Variants in PTPN4 observed in about 807,000 individuals in gnomAD.
PTPN4 encodes the protein protein tyrosine phosphatase non-receptor type 4, also known as tyrosine-protein phosphatase non-receptor type 4.
Under a neutral mutation model 135.5 loss-of-function variants are expected in PTPN4, and 49 were observed. That is an observed-to-expected ratio of 0.36 (90% CI 0.29 to 0.46). PTPN4 has a LOEUF of 0.46. PTPN4 is among the 20% of genes least tolerant of loss of function. The pLI is 1.00. For missense variants in PTPN4, 860 were observed against 1,101.0 expected (o/e 0.78, Z 3.10); for synonymous variants, 333 against 369.9 (o/e 0.90, Z 1.14).
Position 119,877,307 on chromosome 2 carries a change from T to A in PTPN4, c.247-16T>A. The A allele has an allele frequency of 6.2e-7, 1 of 1,605,746 alleles. No homozygotes were observed. On this transcript the variant is annotated splice_polypyrimidine_tract_variant and intron_variant, in intron 3 of 26. Coordinates refer to ENST00000263708, the MANE Select transcript of PTPN4 (RefSeq NM_002830.4). Reference sequence around the variant, plus strand: ...TCAAGGAAAAAAGAAATCAGTTTTATTTATTTATTTTTCAGAGGTGGCTGG... The same window carrying A: ...TCAAGGAAAAAAGAAATCAGTTTTAATTATTTATTTTTCAGAGGTGGCTGG...
At chr2:119,865,040 G>A (rs571393282) in intron 3 of PTPN4, among the ~76,000 whole-genome samples, 29 of 152,210 alleles carry the variant, frequency 1.9e-4, no homozygotes, top group African/African-American at 6.7e-4. Context: ...CTAGGACCTG[G>A]ATCTCCTAAC....
intron 2 of PTPN4, among the ~76,000 whole-genome samples, chr2:119,837,247 G>A (rs899065717): frequency 2.0e-5 from 3 of 152,194 alleles, no homozygotes; most frequent in African/African-American, 7.2e-5. Context: ...CTGTGGGAAG[G>A]AGCTACCCAC....
intron 2 of PTPN4, among the ~76,000 whole-genome samples, chr2:119,842,785 A>G (rs1677400811): frequency 1.3e-5 from 2 of 152,250 alleles, no homozygotes; most frequent in Non-Finnish European, 2.9e-5. Context: ...GTACAATATT[A>G]AAGTCCCATT....
At chr2:119,976,105 C>T (rs1056542143) in intron 26 of PTPN4, among the ~76,000 whole-genome samples, 24 of 151,632 alleles carry the variant, frequency 1.6e-4, no homozygotes, top group Admixed American at 4.6e-4. Flanking sequence ...ACGCCATTCT[C>T]CTGCCTCAGC....
intron 2 of PTPN4, among the ~76,000 whole-genome samples, chr2:119,857,157 CA>C (rs1020719487): frequency 6.6e-6 from 1 of 150,628 alleles, no homozygotes; most frequent in African/African-American, 2.4e-5. Context: ...GATCTTGGCT[CA>C]CTGCAACCTC....
intron 15 of PTPN4, among the ~76,000 whole-genome samples, chr2:119,939,808 C>T (rs1679036177): frequency 6.6e-6 from 1 of 152,152 alleles, no homozygotes; most frequent in South Asian, 2.1e-4. Flanking sequence ...AATTCCTATT[C>T]CAGTCTTGAT....
intron 8 of PTPN4, 66 bp from the exon 9 acceptor site, chr2:119,885,729 C>G: frequency 8.7e-7 from 1 of 1,151,880 alleles, no homozygotes; most frequent in Non-Finnish European, 1.2e-6. Context: ...TAGCCTTTTT[C>G]TAATTTAGCC....
At chr2:119,939,827 G>T (rs1679036530) in intron 15 of PTPN4, among the ~76,000 whole-genome samples, 1 of 152,046 alleles carries the variant, frequency 6.6e-6, no homozygotes, top group Admixed American at 6.5e-5. Flanking sequence ...ATCAAGTCTA[G>T]CAATATATTG....
At chr2:119,964,773 TG>T (rs1398075281) in intron 24 of PTPN4, among the ~76,000 whole-genome samples, 1 of 152,250 alleles carries the variant, frequency 6.6e-6, no homozygotes. Flanking sequence ...TGCATTTTAA[TG>T]AGTTTATACA....
chr2:119,913,219 G>A (rs961768027), intron 10 of PTPN4, among the ~76,000 whole-genome samples: 1 of 152,064 alleles, frequency 6.6e-6, no homozygotes, highest in Non-Finnish European at 1.5e-5. Context: ...TTTCATGAGT[G>A]TATATATCTA....
intron 26 of PTPN4, among the ~76,000 whole-genome samples, chr2:119,973,171 C>G (rs1266778292): frequency 3.3e-5 from 5 of 152,056 alleles, no homozygotes; most frequent in Admixed American, 6.5e-5. Context: ...CCATTTTCTC[C>G]TCTCCTGAGC....
intron 2 of PTPN4, among the ~76,000 whole-genome samples, chr2:119,851,459 C>T (rs538349684): frequency 6.6e-6 from 1 of 152,314 alleles, no homozygotes; most frequent in African/African-American, 2.4e-5. Context: ...GATCCTAGGA[C>T]TTTATAGGAC....
At chr2:119,968,613 A>G (rs1354143871) in intron 26 of PTPN4, among the ~76,000 whole-genome samples, 2 of 152,258 alleles carry the variant, frequency 1.3e-5, no homozygotes, top group East Asian at 3.9e-4. Flanking sequence ...AACACAGTGA[A>G]ACCCCGTCTC....
chr2:119,773,369 T>C (rs1690769618), intron 1 of PTPN4, among the ~76,000 whole-genome samples: 1 of 152,112 alleles, frequency 6.6e-6, no homozygotes, highest in South Asian at 2.1e-4. Context: ...GGAAAAATTT[T>C]TGGAGGTTTG....
At position 119,976,999 on chromosome 2, in the gene PTPN4, G is replaced by A. The variant is rs773192152; in HGVS notation, c.2710G>A (p.Val904Ile). The change falls in exon 27 of 27, where the codon GTA becomes ATA. Residue 904 changes from valine to isoleucine, a missense_variant. Physicochemically the swap from Val to Ile is conservative, Grantham distance 29. Transcript: ENST00000263708. ...TATTTTTCAGAGTCAATACAGATTT[G>A]TATGTGAAGCTATTTTGAAAGTTTA... is the stretch of plus-strand genomic sequence containing the variant. ...MIQTPSQYRF[V>I]CEAILKVYEE... is the part of the protein sequence containing the mutation. The A allele has an allele frequency of 1.2e-6, 2 of 1,607,200 alleles. No homozygotes were observed.
In PTPN4 at chr2:119,862,556, C is replaced by T; in HGVS notation, c.159C>T (p.Val53=). ...TACAGAAACATGATCAGGGGCAAGT[C>T]TTGTTGGATGTCGTCTTCAAGCATC... ...FKVNKHDQGQ[V]LLDVVFKHLD... is the part of the protein sequence containing the mutation. The change falls in exon 3 of 27, where the codon GTC becomes GTT. Residue 53 remains valine (V), a synonymous_variant. Coordinates refer to ENST00000263708, the MANE Select transcript of PTPN4 (RefSeq NM_002830.4). 2 of 1,606,772 alleles carry T rather than the reference C, an allele frequency of 1.2e-6. No individual in the cohort carries two copies. Among genetic ancestry groups the T allele is most frequent in the Non-Finnish European group, 8.5e-7 (1 of 1,176,456 alleles).
chr2:119,937,864 C>T (rs946856544), intron 15 of PTPN4, among the ~76,000 whole-genome samples: 11 of 151,582 alleles, frequency 7.3e-5, no homozygotes, highest in African/African-American at 1.2e-4. Context: ...CCCAGGAGTT[C>T]GAGGATGTAT....
chr2:119,909,906 G>T (rs1678543765), intron 10 of PTPN4, among the ~76,000 whole-genome samples: 1 of 152,078 alleles, frequency 6.6e-6, no homozygotes, highest in Non-Finnish European at 1.5e-5. Flanking sequence ...TGGGGTAGGG[G>T]ATGAATTGCT....
intron 1 of PTPN4, among the ~76,000 whole-genome samples, chr2:119,788,788 A>C (rs777711053): frequency 6.6e-6 from 1 of 152,196 alleles, no homozygotes. Context: ...ATAACACTTC[A>C]TTGTGTGGAT....
Sources: allele counts gnomAD v4.1 joint callset (sites outside exome capture counted in the v4.1 genomes callset), GRCh38; gene constraint gnomAD v4.1.1; transcripts MANE v1.5; gene names NCBI Gene and HGNC (gene_info 2026-07-23, HGNC 2026-07-21).